The following SKAP2 variants were observed in gnomAD, a reference collection of about 807,000 sequenced individuals.
SKAP2 encodes the protein src kinase associated phosphoprotein 2, also known as src kinase-associated phosphoprotein 2.
In SKAP2, 28 loss-of-function variants were observed where a neutral mutation model predicts 54.9. The ratio of observed to expected loss-of-function variants is 0.51; its 90% CI spans 0.38 to 0.70. The LOEUF is 0.70. Ranked by LOEUF, SKAP2 falls within the 30% of genes least tolerant of loss-of-function variation. The probability of loss-of-function intolerance (pLI) is 0.00; values close to 1 mark genes in which losing one functional copy is unlikely to be tolerated. For missense variants in SKAP2, 356 were observed against 424.1 expected (o/e 0.84, Z 1.41); for synonymous variants, 137 against 134.3 (o/e 1.02, Z -0.14).
rs142467809 is a variant in SKAP2, at chr7:26,745,499, G to T, written c.308-5535C>A. Among the ~76,000 whole-genome samples, 376 of 152,314 alleles carry T rather than the reference G, an allele frequency of 2.5e-3. 2 individuals are homozygous for T. The highest frequency in any genetic ancestry group is 8.2e-3 in the African/African-American group (342 of 41,564). ...CCATAAATTGGCCACCTCCTGGGGG[G>T]AGATAGAGCTTCGTTTTATCTCTTC... On this transcript the variant is annotated intron_variant, in intron 4 of 12. Coordinates refer to ENST00000345317, the MANE Select transcript of SKAP2 (RefSeq NM_003930.5).
At chr7:26,741,957 G>A (rs1782464962) in intron 4 of SKAP2, among the ~76,000 whole-genome samples, 1 of 151,712 alleles carries the variant, frequency 6.6e-6, no homozygotes, top group Non-Finnish European at 1.5e-5. Flanking sequence ...ACACCACACA[G>A]TATCATTAAA....
At chr7:26,778,007 A>G (rs1783349554) in intron 4 of SKAP2, among the ~76,000 whole-genome samples, 1 of 152,066 alleles carries the variant, frequency 6.6e-6, no homozygotes, top group African/African-American at 2.4e-5. Flanking sequence ...CCTATTAATT[A>G]TATTTTGTTA....
chr7:26,661,465 T>TA, the SKAP2 span, among the ~76,000 whole-genome samples: 1 of 152,086 alleles, frequency 6.6e-6, no homozygotes, highest in East Asian at 1.9e-4. Context: ...AATGTCAGTT[T>TA]AAAAAAATAT....
At chr7:26,666,117 A>C (rs1249157213), downstream of SKAP2, among the ~76,000 whole-genome samples, 1 of 152,088 alleles carries the variant, frequency 6.6e-6, no homozygotes, top group Non-Finnish European at 1.5e-5. Context: ...GATTGCTTTC[A>C]ATAGTCATGA....
chr7:26,767,287 CTG>C (rs1182861555), intron 4 of SKAP2, among the ~76,000 whole-genome samples: 1 of 152,074 alleles, frequency 6.6e-6, no homozygotes, highest in Non-Finnish European at 1.5e-5. Flanking sequence ...TGACAGTAGT[CTG>C]TATTTCTGTG....
intron 4 of SKAP2, among the ~76,000 whole-genome samples, chr7:26,748,200 CTT>C (rs1045851548): frequency 3.3e-5 from 5 of 152,224 alleles, no homozygotes; most frequent in Admixed American, 1.3e-4. Flanking sequence ...AAAAAAATCT[CTT>C]TAAGATTTCT....
intron 11 of SKAP2, among the ~76,000 whole-genome samples, chr7:26,670,538 A>C (rs979175398): frequency 2.6e-5 from 4 of 152,070 alleles, no homozygotes; most frequent in Non-Finnish European, 5.9e-5. Flanking sequence ...AGGCTATAGA[A>C]GGTTAAAGCC....
chr7:26,663,779 G>A (rs1786059132), downstream of SKAP2, among the ~76,000 whole-genome samples: 1 of 152,118 alleles, frequency 6.6e-6, no homozygotes, highest in South Asian at 2.1e-4. Context: ...GATGGGAAAA[G>A]GTCCTTAGAA....
At chr7:26,787,943 C>T (rs1783592667) in intron 4 of SKAP2, among the ~76,000 whole-genome samples, 1 of 152,168 alleles carries the variant, frequency 6.6e-6, no homozygotes, top group Non-Finnish European at 1.5e-5. Flanking sequence ...GCCACCTCCA[C>T]CTCCCAACTG....
the SKAP2 span, among the ~76,000 whole-genome samples, chr7:26,656,575 C>T: frequency 2.0e-5 from 3 of 152,166 alleles, no homozygotes; most frequent in Admixed American, 1.3e-4. Flanking sequence ...TCAGTTACAG[C>T]TCTTCTCTTA....
chr7:26,857,154 CTTT>C (rs34940910), intron 1 of SKAP2, among the ~76,000 whole-genome samples: 61 of 131,986 alleles, frequency 4.6e-4, no homozygotes, highest in Middle Eastern at 3.9e-3. Context: ...TGGGTATGGT[CTTT>C]TTTTTTTTTT....
chr7:26,758,982 CGAAAT>C (rs975939693), intron 4 of SKAP2, among the ~76,000 whole-genome samples: 1 of 151,990 alleles, frequency 6.6e-6, no homozygotes, highest in African/African-American at 2.4e-5. Context: ...ACAAATTTTC[CGAAAT>C]GAAATGAATC....
intron 11 of SKAP2, among the ~76,000 whole-genome samples, chr7:26,677,154 G>C (rs550057911): frequency 1.5e-4 from 23 of 152,168 alleles, no homozygotes; most frequent in Non-Finnish European, 3.4e-4. Context: ...ACTTTGGGAG[G>C]CCGAGGCGGG....
chr7:26,835,410 G>T (rs1033528025), intron 4 of SKAP2, among the ~76,000 whole-genome samples: 3 of 152,146 alleles, frequency 2.0e-5, no homozygotes, highest in Non-Finnish European at 2.9e-5. Context: ...CAAATTGTCT[G>T]TTTGCAGATG....
intron 6 of SKAP2, among the ~76,000 whole-genome samples, chr7:26,727,955 G>T (rs1489868653): frequency 6.6e-6 from 1 of 152,062 alleles, no homozygotes; most frequent in African/African-American, 2.4e-5. Context: ...GTGTTGTGGG[G>T]TGTGCTTTCT....
At chr7:26,721,143 T>C (rs1054539946) in intron 9 of SKAP2, among the ~76,000 whole-genome samples, 5 of 152,184 alleles carry the variant, frequency 3.3e-5, no homozygotes, top group Admixed American at 6.5e-5. Flanking sequence ...GGAGAAAAAT[T>C]GTTTGGTGAA....
intron 4 of SKAP2, among the ~76,000 whole-genome samples, chr7:26,747,788 T>A (rs1402572340): frequency 4.1e-5 from 6 of 147,684 alleles, no homozygotes; most frequent in African/African-American, 1.5e-4. Context: ...CCCTCTTCCC[T>A]CCCCTCCGCT....
intron 4 of SKAP2, among the ~76,000 whole-genome samples, chr7:26,744,770 T>C (rs564726884): frequency 8.6e-5 from 13 of 151,658 alleles, no homozygotes; most frequent in Non-Finnish European, 1.5e-4. Context: ...ACACACACAC[T>C]ATATCCCAGT....
intron 4 of SKAP2, among the ~76,000 whole-genome samples, chr7:26,777,520 G>A (rs955281377): frequency 2.0e-5 from 3 of 152,016 alleles, no homozygotes; most frequent in Non-Finnish European, 4.4e-5. Context: ...TTCTTGCTAT[G>A]CCTTTAACCA....
Sources: gnomAD v4.1 joint callset for allele counts (sites outside exome capture counted in the v4.1 genomes callset) on GRCh38, gnomAD v4.1.1 for gene constraint, MANE v1.5 for transcripts, NCBI Gene and HGNC (gene_info 2026-07-23, HGNC 2026-07-21) for gene names.